SPIDR: variants seen among roughly 807,000 people sequenced by gnomAD.
SPIDR encodes scaffold protein involved in DNA repair, also known as DNA repair-scaffolding protein.
A neutral mutation model predicts 104.6 loss-of-function variants in SPIDR; 93 were observed. The ratio of observed to expected loss-of-function variants is 0.89; its 90% CI spans 0.75 to 1.06. The LOEUF is 1.06. Among genes scored for constraint, SPIDR ranks in the 50% least tolerant of loss-of-function variants. The probability of loss-of-function intolerance (pLI) is 0.00; values close to 1 mark genes in which losing one functional copy is unlikely to be tolerated. For missense variants in SPIDR, 1,154 were observed against 1,111.2 expected, an observed-to-expected ratio of 1.04 and a Z score of -0.55; for synonymous variants, 431 against 416.9, an observed-to-expected ratio of 1.03 and a Z score of -0.41.
At chr8:47,687,906 T>C (rs1490490395) in intron 11 of SPIDR, among the ~76,000 whole-genome samples, 5 of 151,598 alleles carry the variant, frequency 3.3e-5, no homozygotes, top group Admixed American at 6.6e-5. Flanking sequence ...CTACAAAAAG[T>C]AAAAAATTAG....
chr8:47,290,224 G>A (rs912160033), intron 3 of SPIDR, among the ~76,000 whole-genome samples: 2 of 152,096 alleles, frequency 1.3e-5, no homozygotes, highest in Non-Finnish European at 2.9e-5. Context: ...TGTATTTTTA[G>A]TAGAGACAGG....
At chr8:47,281,039 A>T (rs1176840310) in intron 2 of SPIDR, among the ~76,000 whole-genome samples, 1 of 152,242 alleles carries the variant, frequency 6.6e-6, no homozygotes, top group Non-Finnish European at 1.5e-5. Context: ...ATATTGCAAT[A>T]AAGTGATCAC....
rs1321744802 is a variant in SPIDR at position 47,320,273 on chromosome 8, C to T, written c.525+26243C>T. Among the ~76,000 whole-genome samples the T allele has an allele frequency of 3.9e-5, 6 of 152,274 alleles. No homozygotes were observed. The East Asian group carries it at 1.2e-3, about 29-fold the overall frequency. On this transcript the variant is annotated intron_variant, in intron 5 of 19. Coordinates refer to ENST00000297423, the MANE Select transcript of SPIDR (RefSeq NM_001080394.4). The stretch of plus-strand genomic sequence containing the variant: ...AAAAATGATAAAGGAGATATCACCA[C>T]TAATCCCACAGAAATACAAACTACC...
At chr8:47,318,068 C>CAGCTCCT (rs1430437530) in intron 5 of SPIDR, among the ~76,000 whole-genome samples, 1 of 152,156 alleles carries the variant, frequency 6.6e-6, no homozygotes, top group Non-Finnish European at 1.5e-5. Flanking sequence ...CAGCTCCTCA[C>CAGCTCCT]CAGCAACGGA....
At chr8:47,630,182 A>T (rs1310923977) in intron 10 of SPIDR, among the ~76,000 whole-genome samples, 2 of 152,256 alleles carry the variant, frequency 1.3e-5, no homozygotes, top group Non-Finnish European at 2.9e-5. Flanking sequence ...TTGAACCAAG[A>T]TAAAGTAAAA....
intron 6 of SPIDR, among the ~76,000 whole-genome samples, chr8:47,403,188 A>G (rs912306320): frequency 2.0e-5 from 3 of 152,246 alleles, no homozygotes; most frequent in Non-Finnish European, 4.4e-5. Context: ...TAAATTAGGT[A>G]TATATCGGAC....
intron 7 of SPIDR, among the ~76,000 whole-genome samples, chr8:47,434,013 A>G (rs1438249127): frequency 6.6e-6 from 1 of 152,232 alleles, no homozygotes; most frequent in Non-Finnish European, 1.5e-5. Context: ...ACAAGTAACT[A>G]ACAGAAACAC....
At chr8:47,416,233 ACT>A (rs1222467519) in intron 7 of SPIDR, among the ~76,000 whole-genome samples, 8 of 152,134 alleles carry the variant, frequency 5.3e-5, no homozygotes, top group Admixed American at 5.2e-4. Context: ...ACAGAGCAAG[ACT>A]CTGTTTCAAA....
At chr8:47,534,583 A>C (rs900194594) in intron 8 of SPIDR, among the ~76,000 whole-genome samples, 1 of 152,152 alleles carries the variant, frequency 6.6e-6, no homozygotes, top group Admixed American at 6.5e-5. Flanking sequence ...AATGATAAGA[A>C]CTTAAGAACA....
At chr8:47,691,405 C>G (rs1214371325) in intron 11 of SPIDR, among the ~76,000 whole-genome samples, 2 of 152,054 alleles carry the variant, frequency 1.3e-5, no homozygotes, top group South Asian at 4.1e-4. Context: ...TATTCATAGG[C>G]TATTCTTAGC....
rs138613153 is a variant in SPIDR, at chr8:47,500,555, A to T, written c.1097+60013A>T. On this transcript the variant is annotated intron_variant, in intron 8 of 19. Transcript: ENST00000297423. ...ATTCTGGATATTAGCCCTTTGTCAG[A>T]TGGGTAGATTGCAAAAATGTTCTCT... Among the ~76,000 whole-genome samples the T allele has an allele frequency of 3.8e-3, 584 of 152,236 alleles. 2 individuals are homozygous for T. Among genetic ancestry groups the T allele is most frequent in the South Asian group, 0.013 (65 of 4,824 alleles).
Position 47,363,499 on chromosome 8 carries a change from T to TAA in SPIDR, c.526-32877_526-32876insAA, listed in dbSNP as rs1563746510. 3.8e-3 allele frequency among the ~76,000 whole-genome samples: 381 copies of TAA among 101,466 alleles called. 1 individual carries two copies. The highest frequency in any genetic ancestry group is 0.011 in the African/African-American group (371 of 34,488). The allele number at this position is 101,466 out of a possible 152,430, so 66.6% of individuals were successfully genotyped here. A position where few individuals can be genotyped will look rare whatever the true frequency, so the allele number is the denominator to read the frequency against. The stretch of plus-strand genomic sequence containing the variant: ...CGTGAGCTACCACGCCCAACCTTTT[T>TAA]TAAAAAAAAAAAAAAAAAATTAGGT... On this transcript the variant is annotated intron_variant, in intron 5 of 19. Coordinates refer to ENST00000297423, the MANE Select transcript of SPIDR (RefSeq NM_001080394.4).
rs778261244 is a variant in SPIDR, at chr8:47,729,466, G to A, written c.2604+1G>A. The A allele has an allele frequency of 4.4e-6, 7 of 1,595,606 alleles. No individual in the cohort carries two copies. In the South Asian group the frequency reaches 4.6e-5, roughly 10 times the overall value. On this transcript the variant is annotated splice_donor_variant, in intron 19 of 19. Transcript: ENST00000297423. LOFTEE classifies it high-confidence loss of function. Reference sequence around the variant, plus strand: ...GAGGTTTGCCGCCGGTGAAGATGGGGTAAGTGCAGGGGGCCCAGCCCAGGG... The same window carrying A: ...GAGGTTTGCCGCCGGTGAAGATGGGATAAGTGCAGGGGGCCCAGCCCAGGG...
intron 5 of SPIDR, among the ~76,000 whole-genome samples, chr8:47,349,557 C>G (rs1255752679): frequency 2.0e-5 from 3 of 152,232 alleles, no homozygotes; most frequent in Non-Finnish European, 4.4e-5. Context: ...TTTTGTTCAG[C>G]TATGCCCTGC....
Position 47,685,509 on chromosome 8 carries a change from A to ATTTTTTTTTTTTTTTT in SPIDR, c.1685+11571_1685+11572insTTTTTTTTTTTTTTTT, listed in dbSNP as rs79918303. ...TATTTATTTATTTATTTATTTATTT[A>ATTTTTTTTTTTTTTTT]TTTATTTATTTTTTTGAGACAGTCT... is the stretch of plus-strand genomic sequence containing the variant. On this transcript the variant is annotated intron_variant, in intron 11 of 19. Coordinates refer to ENST00000297423, the MANE Select transcript of SPIDR (RefSeq NM_001080394.4). Among the ~76,000 whole-genome samples, 27 of 106,956 alleles carry ATTTTTTTTTTTTTTTT rather than the reference A, an allele frequency of 2.5e-4. 1 individual carries two copies. The highest frequency in any genetic ancestry group is 4.8e-4 in the Non-Finnish European group (21 of 43,782). The allele number at this position is 106,956 out of a possible 152,430, so 70.2% of individuals were successfully genotyped here.
chr8:47,713,582 C>T lies in SPIDR; in HGVS notation c.2282C>T (p.Pro761Leu), dbSNP rs371194976. 3.2e-5 allele frequency: 51 copies of T among 1,614,010 alleles called. No individual in the cohort carries two copies. Among genetic ancestry groups the T allele is most frequent in the Admixed American group, 1.2e-4 (7 of 59,998 alleles). Residue 761 changes from proline to leucine, a missense_variant, in exon 16 of 20, where the codon CCG becomes CTG. Physicochemically the swap from Pro to Leu is moderately conservative, Grantham distance 98. Coordinates refer to ENST00000297423, the MANE Select transcript of SPIDR (RefSeq NM_001080394.4). ...SGASSCELPGPVMLDSLDSAT... is the reference protein window; with the variant it reads ...SGASSCELPGLVMLDSLDSAT... ...GCAAGTTCCTGTGAGCTGCCTGGCC[C>T]GGTGATGCTCGACAGCCTGGACTCT...
At chr8:47,354,318 GTTTC>G (rs1238504838) in intron 5 of SPIDR, among the ~76,000 whole-genome samples, 2 of 149,750 alleles carry the variant, frequency 1.3e-5, no homozygotes, top group Non-Finnish European at 1.5e-5. Context: ...TTCTTCCTCA[GTTTC>G]TTTATTTCGT....
intron 11 of SPIDR, among the ~76,000 whole-genome samples, chr8:47,689,132 A>G (rs760020079): frequency 2.0e-5 from 3 of 152,150 alleles, no homozygotes; most frequent in Admixed American, 1.3e-4. Context: ...AGAAGTACCA[A>G]TTTTTGGAGG....
At chr8:47,354,534 A>G (rs1554624484) in intron 5 of SPIDR, among the ~76,000 whole-genome samples, 1 of 152,146 alleles carries the variant, frequency 6.6e-6, no homozygotes, top group Non-Finnish European at 1.5e-5. Flanking sequence ...CCTTACAACT[A>G]GCTTACAAGA....
Sources: allele counts gnomAD v4.1 joint callset (sites outside exome capture counted in the v4.1 genomes callset), GRCh38; gene constraint gnomAD v4.1.1; transcripts MANE v1.5; gene names NCBI Gene and HGNC (gene_info 2026-07-23, HGNC 2026-07-21).